Variants in ANTXR1 observed in about 807,000 individuals in gnomAD.
The protein encoded by ANTXR1 is ANTXR cell adhesion molecule 1, also known as anthrax toxin receptor 1.
Under a neutral mutation model 78.1 loss-of-function variants are expected in ANTXR1, and 19 were observed. The ratio of observed to expected loss-of-function variants is 0.24; its 90% CI spans 0.17 to 0.36. The LOEUF is 0.36. Among genes scored for constraint, ANTXR1 ranks in the 10% least tolerant of loss-of-function variants. The probability of loss-of-function intolerance (pLI) is 1.00; values close to 1 mark genes in which losing one functional copy is unlikely to be tolerated. For synonymous variants in ANTXR1, 273 were observed against 260.5 expected (o/e 1.05, Z -0.46); for missense variants, 518 against 718.6 (o/e 0.72, Z 3.19).
intron 17 of ANTXR1, among the ~76,000 whole-genome samples, chr2:69,205,909 AGTTT>A (rs544313559): frequency 2.9e-3 from 449 of 152,292 alleles, no homozygotes; most frequent in Non-Finnish European, 5.0e-3. Context: ...CTTTTCTTTA[AGTTT>A]GTTTGAAAAT....
At chr2:69,209,270 T>C (rs1307418226) in intron 17 of ANTXR1, among the ~76,000 whole-genome samples, 1 of 152,224 alleles carries the variant, frequency 6.6e-6, no homozygotes, top group Non-Finnish European at 1.5e-5. Context: ...ACTAGAGCAA[T>C]AATGATGGTT....
chr2:69,146,419 G>C (rs1673227733), intron 12 of ANTXR1: 1 of 964,356 alleles, frequency 1.0e-6, no homozygotes, highest in African/African-American at 1.8e-5. Context: ...TTGATACTTA[G>C]GCTATTGAGA....
intron 3 of ANTXR1, among the ~76,000 whole-genome samples, chr2:69,062,037 A>G (rs1449156032): frequency 1.3e-5 from 2 of 152,186 alleles, no homozygotes; most frequent in Non-Finnish European, 2.9e-5. Flanking sequence ...AACCCTTTAT[A>G]TAATAGCTAA....
intron 17 of ANTXR1, among the ~76,000 whole-genome samples, chr2:69,198,239 C>G (rs1475092086): frequency 6.6e-6 from 1 of 152,152 alleles, no homozygotes; most frequent in Non-Finnish European, 1.5e-5. Flanking sequence ...TCACATTAGC[C>G]CCCTATGAAA....
At chr2:69,060,981 A>G (rs934429481) in intron 3 of ANTXR1, among the ~76,000 whole-genome samples, 2 of 152,214 alleles carry the variant, frequency 1.3e-5, no homozygotes, top group Non-Finnish European at 2.9e-5. Context: ...AACACCACAT[A>G]TAAGAATAGA....
rs539946448 is a variant in ANTXR1, at chr2:69,115,186, C to T, written c.803-7831C>T. 2.0e-5 allele frequency among the ~76,000 whole-genome samples: 3 copies of T among 152,360 alleles called. No homozygotes were observed. In the East Asian group the frequency reaches 5.8e-4, roughly 29 times the overall value. On this transcript the variant is annotated intron_variant, in intron 10 of 17. Transcript: ENST00000303714. ...AAAACTGCTCAGGCATTGCTAGTTGCCCCTTGAGGGGCAAAATCAACCCCC... is the reference window on the plus strand; with the variant it reads ...AAAACTGCTCAGGCATTGCTAGTTGTCCCTTGAGGGGCAAAATCAACCCCC...
intron 1 of ANTXR1, among the ~76,000 whole-genome samples, chr2:69,019,097 C>T (rs1425788063): frequency 6.6e-6 from 1 of 152,136 alleles, no homozygotes; most frequent in Non-Finnish European, 1.5e-5. Flanking sequence ...AAAAAGGAAA[C>T]TGAAGTCTGT....
intron 17 of ANTXR1, among the ~76,000 whole-genome samples, chr2:69,196,808 A>G (rs930437009): frequency 1.3e-5 from 2 of 152,364 alleles, no homozygotes; most frequent in East Asian, 1.9e-4. Flanking sequence ...CTTCAGACAC[A>G]TGTTGACCTC....
At chr2:69,084,380 T>C (rs999611304) in intron 8 of ANTXR1, among the ~76,000 whole-genome samples, 2 of 152,326 alleles carry the variant, frequency 1.3e-5, no homozygotes, top group Admixed American at 6.5e-5. Flanking sequence ...GTAGCATCTA[T>C]TTAAGTGAGT....
At chr2:69,143,071 A>G (rs1174936854) in intron 12 of ANTXR1, among the ~76,000 whole-genome samples, 1 of 152,236 alleles carries the variant, frequency 6.6e-6, no homozygotes, top group Non-Finnish European at 1.5e-5. Flanking sequence ...TAAAAAGTTC[A>G]TGGGCAGGCA....
At chr2:69,014,156 T>C (rs1670954467) in intron 1 of ANTXR1, among the ~76,000 whole-genome samples, 1 of 152,234 alleles carries the variant, frequency 6.6e-6, no homozygotes, top group Non-Finnish European at 1.5e-5. Context: ...ATGTAATGCA[T>C]ACTTCTCACC....
chr2:69,072,877 C>T, intron 5 of ANTXR1, 145 bp from the exon 6 acceptor site: 1 of 826,278 alleles, frequency 1.2e-6, no homozygotes. Context: ...GCTGGAGTTG[C>T]TTCCAGGCCC....
At chr2:69,091,506 T>C (rs1007702627) in intron 9 of ANTXR1, among the ~76,000 whole-genome samples, 1 of 150,560 alleles carries the variant, frequency 6.6e-6, no homozygotes, top group Non-Finnish European at 1.5e-5. Flanking sequence ...TAGAAGGGAA[T>C]TGTAGAAATA....
In ANTXR1 at chr2:69,152,959, C is replaced by T. The variant is rs143386645; in HGVS notation, c.1047+695C>T. Among the ~76,000 whole-genome samples the T allele has an allele frequency of 2.1e-3, 327 of 152,298 alleles. 1 individual carries two copies. Among genetic ancestry groups the T allele is most frequent in the Non-Finnish European group, 3.5e-3 (238 of 68,020 alleles). On this transcript the variant is annotated intron_variant, in intron 13 of 17. Coordinates refer to ENST00000303714, the MANE Select transcript of ANTXR1 (RefSeq NM_032208.3). Reference sequence around the variant, plus strand: ...ATAATCCCAAATGGTAAATGTCTGGCTGTCAATTTCTGTTCCCTGGCCCTT... The same window carrying T: ...ATAATCCCAAATGGTAAATGTCTGGTTGTCAATTTCTGTTCCCTGGCCCTT...
intron 9 of ANTXR1, among the ~76,000 whole-genome samples, chr2:69,100,907 G>T (rs1298630234): frequency 3.3e-5 from 5 of 152,186 alleles, no homozygotes; most frequent in African/African-American, 1.2e-4. Context: ...TAGCAATTGT[G>T]CATTTGCATC....
At position 69,178,170 on chromosome 2, in the gene ANTXR1, G is replaced by C. The variant is rs374887263; in HGVS notation, c.1090-3616G>C. ...GAGTTTCTTAGTGGCCTTGCTGAGG[G>C]GCTGGGATTCTACTCCGTCCATTTT... On this transcript the variant is annotated intron_variant, in intron 14 of 17. Coordinates refer to ENST00000303714, the MANE Select transcript of ANTXR1 (RefSeq NM_032208.3). Among the ~76,000 whole-genome samples the C allele has an allele frequency of 1.4e-4, 21 of 152,274 alleles. 1 individual carries two copies. Among genetic ancestry groups the C allele is most frequent in the African/African-American group, 4.8e-4 (20 of 41,536 alleles).
chr2:69,071,735 T>C lies in ANTXR1; in HGVS notation c.379-19T>C, dbSNP rs374900265. The C allele has an allele frequency of 1.9e-6, 3 of 1,613,670 alleles. No homozygotes were observed. The highest frequency in any genetic ancestry group is 2.7e-5 in the African/African-American group (2 of 74,928). On this transcript the variant is annotated intron_variant, in intron 4 of 17. Transcript: ENST00000303714. ...AAACAGTGGTTATAAGTCTAAGGGC[T>C]CTTTCATATGTTTTTCAGGCCAGTG...
chr2:69,018,463 A>T (rs1328160193), intron 1 of ANTXR1, among the ~76,000 whole-genome samples: 1 of 152,186 alleles, frequency 6.6e-6, no homozygotes, highest in African/African-American at 2.4e-5. Flanking sequence ...AAATTTCCCC[A>T]TCAGGTATAG....
At chr2:69,152,129 T>A (rs1673414938) in intron 12 of ANTXR1, 40 bp from the exon 13 acceptor site, 1 of 1,587,754 alleles carries the variant, frequency 6.3e-7, no homozygotes, top group South Asian at 1.1e-5. Context: ...TCACACATGG[T>A]CCCATCCCGC....
Sources: allele counts gnomAD v4.1 joint callset (sites outside exome capture counted in the v4.1 genomes callset), GRCh38; gene constraint gnomAD v4.1.1; transcripts MANE v1.5; gene names NCBI Gene and HGNC (gene_info 2026-07-23, HGNC 2026-07-21).